Variants in PPP1R9A observed in about 807,000 individuals in gnomAD.
PPP1R9A encodes protein phosphatase 1 regulatory subunit 9A.
PPP1R9A carries 59 observed loss-of-function variants against 141.9 expected under a neutral mutation model. The observed-to-expected ratio is 0.42, with a 90% CI of 0.34 to 0.52. The LOEUF is 0.52. Ranked by LOEUF, PPP1R9A falls within the 20% of genes least tolerant of loss-of-function variation. The pLI is 0.10. For synonymous variants in PPP1R9A, 500 were observed against 569.7 expected (o/e 0.88, Z 1.74); for missense variants, 1,444 against 1,611.9 (o/e 0.90, Z 1.78).
chr7:95,197,985 C>T (rs1836534984), intron 5 of PPP1R9A, among the ~76,000 whole-genome samples: 1 of 152,152 alleles, frequency 6.6e-6, no homozygotes, highest in Non-Finnish European at 1.5e-5. Flanking sequence ...GTTATAGTTA[C>T]ACAAATGCTT....
At chr7:95,233,880 A>C (rs557799818) in intron 8 of PPP1R9A, among the ~76,000 whole-genome samples, 6 of 152,352 alleles carry the variant, frequency 3.9e-5, no homozygotes, top group Non-Finnish European at 7.3e-5. Flanking sequence ...TAACATATGC[A>C]AGTCAATAAA....
Position 95,058,132 on chromosome 7 carries a change from G to A in PPP1R9A, c.1396-53127G>A, listed in dbSNP as rs534566876. ...ATAATCATCTTAAATAATACTGTAA[G>A]GATTGGTCTTTTGTTCCTTTGTAGA... On this transcript the variant is annotated intron_variant, in intron 2 of 19. Transcript: ENST00000433360. 5.3e-5 allele frequency among the ~76,000 whole-genome samples: 8 copies of A among 152,146 alleles called. No individual in the cohort carries two copies. In the East Asian group the frequency reaches 5.8e-4, roughly 11 times the overall value.
chr7:94,929,221 A>T (rs1445603433), intron 2 of PPP1R9A, among the ~76,000 whole-genome samples: 1 of 152,194 alleles, frequency 6.6e-6, no homozygotes, highest in Non-Finnish European at 1.5e-5. Context: ...TAATCACCTG[A>T]ATTACATATT....
At chr7:95,156,272 C>T (rs1460588790) in intron 4 of PPP1R9A, 1 of 152,430 alleles carries the variant, frequency 6.6e-6, no homozygotes. Context: ...GAAGCTTCCC[C>T]AGCTGGCACC....
chr7:94,950,054 G>A (rs958404491), intron 2 of PPP1R9A, among the ~76,000 whole-genome samples: 2 of 151,838 alleles, frequency 1.3e-5, no homozygotes, highest in African/African-American at 4.8e-5. Context: ...TTGTCTAGGT[G>A]AATTATATCT....
At chr7:95,067,416 C>T (rs559329613) in intron 2 of PPP1R9A, among the ~76,000 whole-genome samples, 1 of 152,064 alleles carries the variant, frequency 6.6e-6, no homozygotes, top group Non-Finnish European at 1.5e-5. Context: ...TTATCTGAGG[C>T]GATACACTGG....
intron 2 of PPP1R9A, among the ~76,000 whole-genome samples, chr7:94,919,852 A>G (rs1792568207): frequency 6.6e-6 from 1 of 152,116 alleles, no homozygotes; most frequent in Admixed American, 6.6e-5. Flanking sequence ...GAGGTACTTG[A>G]TATTCTGTCA....
chr7:95,081,023 A>G (rs1265957051), intron 2 of PPP1R9A, among the ~76,000 whole-genome samples: 1 of 152,212 alleles, frequency 6.6e-6, no homozygotes, highest in Non-Finnish European at 1.5e-5. Flanking sequence ...GAGTTGAGAA[A>G]AAGCTCAAAG....
At chr7:95,177,216 GCCT>G (rs1411725617) in intron 5 of PPP1R9A, among the ~76,000 whole-genome samples, 1 of 152,046 alleles carries the variant, frequency 6.6e-6, no homozygotes, top group Non-Finnish European at 1.5e-5. Flanking sequence ...CCAATCTTGA[GCCT>G]CCTCAAACAA....
chr7:95,041,804 T>C (rs933910887), intron 2 of PPP1R9A, among the ~76,000 whole-genome samples: 1 of 152,086 alleles, frequency 6.6e-6, no homozygotes, highest in Non-Finnish European at 1.5e-5. Flanking sequence ...TTTTACTTAT[T>C]ATTATAATTT....
At chr7:94,949,346 G>A (rs1223968930) in intron 2 of PPP1R9A, among the ~76,000 whole-genome samples, 1 of 152,140 alleles carries the variant, frequency 6.6e-6, no homozygotes, top group African/African-American at 2.4e-5. Flanking sequence ...TAGGAGCAAT[G>A]AAAGGTGAAT....
At chr7:95,112,724 T>C (rs1403314541) in intron 3 of PPP1R9A, among the ~76,000 whole-genome samples, 1 of 151,782 alleles carries the variant, frequency 6.6e-6, no homozygotes, top group Non-Finnish European at 1.5e-5. Flanking sequence ...GTATACACTA[T>C]GGACTACTGT....
chr7:95,249,980 A>G (rs1248758911), intron 9 of PPP1R9A, 46 bp from the exon 10 acceptor site: 6 of 1,500,320 alleles, frequency 4.0e-6, no homozygotes, highest in African/African-American at 2.8e-5. Context: ...GATTTTTGCC[A>G]CAAAAGTGGC....
At chr7:95,196,632 G>A (rs2152850447) in intron 5 of PPP1R9A, among the ~76,000 whole-genome samples, 1 of 152,174 alleles carries the variant, frequency 6.6e-6, no homozygotes, top group East Asian at 1.9e-4. Flanking sequence ...ATAAAAAAGA[G>A]CAAATAACTG....
At chr7:95,272,682 A>G (rs545182977) in intron 14 of PPP1R9A, among the ~76,000 whole-genome samples, 2 of 152,322 alleles carry the variant, frequency 1.3e-5, no homozygotes, top group South Asian at 4.1e-4. Context: ...GCTATCCATG[A>G]ACTGTGTGTG....
intron 2 of PPP1R9A, among the ~76,000 whole-genome samples, chr7:94,962,492 C>G (rs1333904238): frequency 6.6e-6 from 1 of 151,796 alleles, no homozygotes; most frequent in East Asian, 1.9e-4. Context: ...ACATATGACT[C>G]TAAATTGGAT....
intron 2 of PPP1R9A, among the ~76,000 whole-genome samples, chr7:94,991,606 CTTTATTT>C (rs1387287785): frequency 1.3e-5 from 2 of 151,736 alleles, no homozygotes; most frequent in Non-Finnish European, 2.9e-5. Flanking sequence ...TTTTCTTAAT[CTTTATTT>C]TTTCTTTCCT....
intron 8 of PPP1R9A, among the ~76,000 whole-genome samples, chr7:95,236,644 T>A (rs1018682673): frequency 6.6e-6 from 1 of 151,738 alleles, no homozygotes; most frequent in African/African-American, 2.4e-5. Flanking sequence ...TGTAGAATTT[T>A]ATCTGTCATT....
chr7:95,149,260 AT>A (rs1299587549), intron 4 of PPP1R9A, among the ~76,000 whole-genome samples: 1 of 152,140 alleles, frequency 6.6e-6, no homozygotes, highest in Non-Finnish European at 1.5e-5. Flanking sequence ...TTGAAAAAAA[AT>A]ACCTACAAAA....
Sources: gnomAD v4.1 joint callset for allele counts (sites outside exome capture counted in the v4.1 genomes callset) on GRCh38, gnomAD v4.1.1 for gene constraint, MANE v1.5 for transcripts, NCBI Gene and HGNC (gene_info 2026-07-23, HGNC 2026-07-21) for gene names.